Variants in KHDRBS2 observed in about 807,000 individuals in gnomAD.
The protein encoded by KHDRBS2 is KH RNA binding domain containing, signal transduction associated 2, also known as KH domain-containing, RNA-binding, signal transduction-associated protein 2.
Under a neutral mutation model 44.3 loss-of-function variants are expected in KHDRBS2, and 26 were observed. The ratio of observed to expected loss-of-function variants is 0.59; its 90% CI spans 0.43 to 0.81. KHDRBS2 has a LOEUF of 0.81. KHDRBS2 is among the 40% of genes least tolerant of loss of function. KHDRBS2 has a pLI of 0.00. For synonymous variants in KHDRBS2, 194 were observed against 151.1 expected, an observed-to-expected ratio of 1.28 and a Z score of -2.08; for missense variants, 476 against 433.1, an observed-to-expected ratio of 1.10 and a Z score of -0.88.
rs550640601 is a variant in KHDRBS2, at chr6:61,984,995, C to T, written c.337-6783G>A. ...TAATCCAAAAGACTATTGTGGTGCT[C>T]ATAAAAAAATCAGGATAAGTAACCT... On this transcript the variant is annotated intron_variant, in intron 3 of 8. Transcript: ENST00000281156. Among the ~76,000 whole-genome samples the T allele has an allele frequency of 6.6e-5, 10 of 152,246 alleles. No homozygotes were observed. The South Asian group carries it at 1.7e-3, about 25-fold the overall frequency.
At chr6:61,543,665 G>T in the KHDRBS2 span, among the ~76,000 whole-genome samples, 1 of 151,970 alleles carries the variant, frequency 6.6e-6, no homozygotes, top group Non-Finnish European at 1.5e-5. Flanking sequence ...TATTTCTTGA[G>T]CACTATTCAA....
At chr6:61,975,200 G>T (rs1351403210) in intron 4 of KHDRBS2, among the ~76,000 whole-genome samples, 1 of 152,038 alleles carries the variant, frequency 6.6e-6, no homozygotes, top group Non-Finnish European at 1.5e-5. Flanking sequence ...GTAAATTCTG[G>T]ATAACATACA....
chr6:61,750,112 A>T (rs1043382874), intron 6 of KHDRBS2, among the ~76,000 whole-genome samples: 1 of 152,214 alleles, frequency 6.6e-6, no homozygotes, highest in African/African-American at 2.4e-5. Flanking sequence ...CTAATTTTTA[A>T]AAGCCACAGC....
intron 1 of KHDRBS2, among the ~76,000 whole-genome samples, chr6:62,258,679 G>A (rs1837830615): frequency 6.6e-6 from 1 of 152,042 alleles, no homozygotes; most frequent in African/African-American, 2.4e-5. Flanking sequence ...TGAATTTCAT[G>A]ATTAGAGTTG....
chr6:61,570,619 T>C, the KHDRBS2 span, among the ~76,000 whole-genome samples: 1 of 152,122 alleles, frequency 6.6e-6, no homozygotes, highest in Non-Finnish European at 1.5e-5. Flanking sequence ...CACATAGTCA[T>C]CAAGTTATCT....
intron 2 of KHDRBS2, among the ~76,000 whole-genome samples, chr6:62,102,619 A>C (rs1361599690): frequency 6.6e-6 from 1 of 152,100 alleles, no homozygotes; most frequent in Non-Finnish European, 1.5e-5. Context: ...ACTCTGGCCC[A>C]CGGCTCCTGG....
intron 5 of KHDRBS2, among the ~76,000 whole-genome samples, chr6:61,897,123 T>C (rs992053708): frequency 2.6e-5 from 4 of 152,136 alleles, no homozygotes; most frequent in African/African-American, 9.7e-5. Flanking sequence ...TGGCTTGTGT[T>C]CCTTATATCA....
intron 4 of KHDRBS2, among the ~76,000 whole-genome samples, chr6:61,901,640 T>C (rs1804064319): frequency 6.6e-6 from 1 of 152,226 alleles, no homozygotes; most frequent in Non-Finnish European, 1.5e-5. Context: ...TCACATGATG[T>C]GTTAGCTGGA....
intron 6 of KHDRBS2, among the ~76,000 whole-genome samples, chr6:61,763,981 C>A (rs1007059952): frequency 6.6e-6 from 1 of 152,054 alleles, no homozygotes; most frequent in Non-Finnish European, 1.5e-5. Context: ...TTTCCCACCC[C>A]CTACCCTCCC....
At chr6:62,087,132 G>A (rs1670400457) in intron 2 of KHDRBS2, among the ~76,000 whole-genome samples, 2 of 151,950 alleles carry the variant, frequency 1.3e-5, no homozygotes, top group African/African-American at 4.8e-5. Context: ...ATGAAAATGA[G>A]CAAAAGAAAA....
chr6:62,133,558 G>C (rs184846851), intron 2 of KHDRBS2, among the ~76,000 whole-genome samples: 36 of 152,316 alleles, frequency 2.4e-4, no homozygotes, highest in Admixed American at 4.6e-4. Flanking sequence ...GGTACCAGTA[G>C]AGTGGGGCAC....
At chr6:61,616,348 T>C in the KHDRBS2 span, among the ~76,000 whole-genome samples, 1 of 152,024 alleles carries the variant, frequency 6.6e-6, no homozygotes. Context: ...AATGACTATA[T>C]GTGTGGAGTT....
chr6:62,050,437 A>T (rs1306431191), intron 2 of KHDRBS2, among the ~76,000 whole-genome samples: 1 of 151,972 alleles, frequency 6.6e-6, no homozygotes, highest in Non-Finnish European at 1.5e-5. Flanking sequence ...GTTAAAAAAA[A>T]AAAAGGGGGT....
intron 4 of KHDRBS2, among the ~76,000 whole-genome samples, chr6:61,968,109 G>A (rs1448660048): frequency 6.6e-6 from 1 of 151,498 alleles, no homozygotes; most frequent in Non-Finnish European, 1.5e-5. Context: ...AATTTAAATA[G>A]TATTTTCTTT....
Position 62,072,860 on chromosome 6 carries a change from T to C in KHDRBS2, c.220-24866A>G, listed in dbSNP as rs560350977. 3.9e-5 allele frequency among the ~76,000 whole-genome samples: 6 copies of C among 152,296 alleles called. No individual in the cohort carries two copies. The South Asian group carries it at 1.2e-3, about 32-fold the overall frequency. On this transcript the variant is annotated intron_variant, in intron 2 of 8. Transcript: ENST00000281156. ...TCAGGATGATGCTGGCCTCATAAAA[T>C]GAGTTAGGGACGATTCCCTCTTTTT...
At chr6:61,879,509 A>T (rs1476349243) in intron 6 of KHDRBS2, among the ~76,000 whole-genome samples, 1 of 151,870 alleles carries the variant, frequency 6.6e-6, no homozygotes, top group African/African-American at 2.4e-5. Context: ...AAAACTCCTT[A>T]ATTAAAGAAA....
the KHDRBS2 span, among the ~76,000 whole-genome samples, chr6:61,652,762 A>G: frequency 1.3e-5 from 2 of 152,056 alleles, no homozygotes; most frequent in African/African-American, 4.8e-5. Context: ...TGGGTGACCA[A>G]AATGCCCATG....
intron 2 of KHDRBS2, among the ~76,000 whole-genome samples, chr6:62,075,371 G>C (rs1451234493): frequency 6.6e-6 from 1 of 151,874 alleles, no homozygotes; most frequent in Non-Finnish European, 1.5e-5. Context: ...TTTGATTATG[G>C]ACCCCACAAC....
intron 3 of KHDRBS2, among the ~76,000 whole-genome samples, chr6:61,990,006 G>T (rs1178883692): frequency 6.6e-6 from 1 of 152,204 alleles, no homozygotes; most frequent in Non-Finnish European, 1.5e-5. Context: ...TCAGAGTTCT[G>T]TGGTGGAATA....
Sources: allele counts gnomAD v4.1 joint callset (sites outside exome capture counted in the v4.1 genomes callset), GRCh38; gene constraint gnomAD v4.1.1; transcripts MANE v1.5; gene names NCBI Gene and HGNC (gene_info 2026-07-23, HGNC 2026-07-21).